TMPRSS11D: variants seen among roughly 807,000 people sequenced by gnomAD.
TMPRSS11D encodes the protein transmembrane protease serine 11D.
In TMPRSS11D, 32 loss-of-function variants were observed where a neutral mutation model predicts 44.4. The observed-to-expected ratio is 0.72, with a 90% confidence interval of 0.54 to 0.97. TMPRSS11D has a LOEUF of 0.97. TMPRSS11D is among the 50% of genes least tolerant of loss of function. The probability of loss-of-function intolerance (pLI) is 0.00; values close to 1 mark genes in which losing one functional copy is unlikely to be tolerated. For synonymous variants in TMPRSS11D, 179 were observed against 177.9 expected (o/e 1.01, Z -0.05); for missense variants, 446 against 502.6 (o/e 0.89, Z 1.08).
chr4:67,833,020 A>T (rs1460896384), intron 7 of TMPRSS11D, among the ~76,000 whole-genome samples, 184 bp downstream of exon 7: 1 of 152,208 alleles, frequency 6.6e-6, no homozygotes, highest in Non-Finnish European at 1.5e-5. Flanking sequence ...AAACAGAGAA[A>T]TAGCACTAAA....
At chr4:67,871,005 TTAA>T (rs1390579352) in intron 1 of TMPRSS11D, among the ~76,000 whole-genome samples, 2 of 152,284 alleles carry the variant, frequency 1.3e-5, no homozygotes, top group Admixed American at 1.3e-4. Flanking sequence ...TACCAACTCA[TTAA>T]TAATGCCTTT....
intron 4 of TMPRSS11D, among the ~76,000 whole-genome samples, chr4:67,839,875 C>T (rs1718188415): frequency 6.6e-6 from 1 of 151,248 alleles, no homozygotes; most frequent in Non-Finnish European, 1.5e-5. Flanking sequence ...TATATGTGCA[C>T]AACGTGCAGG....
At chr4:67,867,884 A>G (rs1188352709) in intron 1 of TMPRSS11D, among the ~76,000 whole-genome samples, 2 of 152,142 alleles carry the variant, frequency 1.3e-5, no homozygotes, top group Non-Finnish European at 2.9e-5. Context: ...GTAAATTAGT[A>G]AAACCTCTAT....
intron 3 of TMPRSS11D, among the ~76,000 whole-genome samples, chr4:67,846,987 C>T (rs760398906): frequency 6.6e-6 from 1 of 151,922 alleles, no homozygotes. Context: ...TCACTGCAAC[C>T]TCTGCCTCCC....
chr4:67,830,987 A>C (rs1717929542), intron 7 of TMPRSS11D, among the ~76,000 whole-genome samples: 1 of 152,110 alleles, frequency 6.6e-6, no homozygotes, highest in Non-Finnish European at 1.5e-5. Context: ...GGTAGCTATT[A>C]TTTTCATTAA....
chr4:67,852,197 C>T (rs1280513089), intron 3 of TMPRSS11D, among the ~76,000 whole-genome samples: 2 of 152,184 alleles, frequency 1.3e-5, no homozygotes, highest in African/African-American at 4.8e-5. Flanking sequence ...GGGAAACTAA[C>T]CTGTGATACT....
At chr4:67,864,356 T>G (rs952710398) in intron 1 of TMPRSS11D, among the ~76,000 whole-genome samples, 1 of 152,032 alleles carries the variant, frequency 6.6e-6, no homozygotes, top group African/African-American at 2.4e-5. Flanking sequence ...AGTAATTAAT[T>G]TCTTAACTCT....
intron 2 of TMPRSS11D, 149 bp downstream of exon 2, chr4:67,859,408 A>C: frequency 2.0e-6 from 2 of 1,002,550 alleles, no homozygotes; most frequent in Non-Finnish European, 2.8e-6. Flanking sequence ...ACAGATATGC[A>C]TCTATATTTG....
At chr4:67,881,934 C>G (rs1356244148) in intron 1 of TMPRSS11D, among the ~76,000 whole-genome samples, 1 of 152,194 alleles carries the variant, frequency 6.6e-6, no homozygotes, top group Non-Finnish European at 1.5e-5. Flanking sequence ...AAATCTTTAT[C>G]CTATTTCCCA....
At chr4:67,873,055 G>A (rs1719100717) in intron 1 of TMPRSS11D, among the ~76,000 whole-genome samples, 2 of 152,138 alleles carry the variant, frequency 1.3e-5, no homozygotes, top group South Asian at 4.1e-4. Context: ...ACTGTCATGT[G>A]TCAGAGTGGA....
chr4:67,877,367 A>G (rs1240003369), intron 1 of TMPRSS11D, among the ~76,000 whole-genome samples: 1 of 152,188 alleles, frequency 6.6e-6, no homozygotes, highest in Non-Finnish European at 1.5e-5. Context: ...TACTGAATCC[A>G]GTACCCACCC....
At position 67,839,485 on chromosome 4, in the gene TMPRSS11D, G is replaced by T. The variant is rs1049395504; in HGVS notation, c.318-1156C>A. On this transcript the variant is annotated intron_variant, in intron 4 of 9. Transcript: ENST00000283916. ...GAAGACCAAAAACAAAGAAGAATGT[G>T]AATAGTATGTGGTGAGACTAGAATA... Among the ~76,000 whole-genome samples the T allele has an allele frequency of 3.9e-5, 6 of 152,104 alleles. No homozygotes were observed. In the East Asian group the frequency reaches 1.2e-3, roughly 29 times the overall value.
At chr4:67,826,580 G>A (rs1717797234) in intron 8 of TMPRSS11D, among the ~76,000 whole-genome samples, 1 of 151,830 alleles carries the variant, frequency 6.6e-6, no homozygotes, top group African/African-American at 2.4e-5. Context: ...TATACACATC[G>A]AGTTTTTGCC....
chr4:67,826,882 A>G (rs1717807104), intron 8 of TMPRSS11D, among the ~76,000 whole-genome samples: 1 of 152,092 alleles, frequency 6.6e-6, no homozygotes, highest in African/African-American at 2.4e-5. Context: ...CCATGATTGC[A>G]CCACTGCACT....
chr4:67,828,008 C>G (rs1717847226), intron 7 of TMPRSS11D, among the ~76,000 whole-genome samples: 1 of 151,632 alleles, frequency 6.6e-6, no homozygotes, highest in South Asian at 2.1e-4. Flanking sequence ...TTTTTCTGCA[C>G]TAAGTCTGAT....
At chr4:67,860,351 G>T (rs1337453167) in intron 1 of TMPRSS11D, 1 of 152,114 alleles carries the variant, frequency 6.6e-6, no homozygotes, top group African/African-American at 2.4e-5. Context: ...CACTGGGGAA[G>T]TCACCAGGGG....
At chr4:67,852,281 A>T (rs1718528087) in intron 3 of TMPRSS11D, among the ~76,000 whole-genome samples, 1 of 152,162 alleles carries the variant, frequency 6.6e-6, no homozygotes, top group Non-Finnish European at 1.5e-5. Flanking sequence ...CGGTTTCCAT[A>T]GAGGACCCTG....
At chr4:67,872,990 G>T (rs1243387140) in intron 1 of TMPRSS11D, among the ~76,000 whole-genome samples, 1 of 152,018 alleles carries the variant, frequency 6.6e-6, no homozygotes, top group African/African-American at 2.4e-5. Context: ...GTAGTGCATT[G>T]GGAATTGCTT....
intron 5 of TMPRSS11D, among the ~76,000 whole-genome samples, chr4:67,835,764 C>T (rs890321437): frequency 1.3e-5 from 2 of 152,036 alleles, no homozygotes; most frequent in African/African-American, 4.8e-5. Flanking sequence ...TTTTCAGGCA[C>T]ACAAGAGGAC....
Sources: gnomAD v4.1 joint callset for allele counts (sites outside exome capture counted in the v4.1 genomes callset) on GRCh38, gnomAD v4.1.1 for gene constraint, MANE v1.5 for transcripts, NCBI Gene and HGNC (gene_info 2026-07-23, HGNC 2026-07-21) for gene names.